The following TGM6 variants were observed in gnomAD, a reference collection of about 807,000 sequenced individuals.
TGM6 encodes the protein transglutaminase 6, also known as protein-glutamine gamma-glutamyltransferase 6.
A neutral mutation model predicts 77.5 loss-of-function variants in TGM6; 74 were observed. The ratio of observed to expected loss-of-function variants is 0.96; its 90% CI spans 0.79 to 1.16. The LOEUF (loss-of-function observed/expected upper bound fraction) is 1.16. Ranked by LOEUF, TGM6 falls within the 50% of genes most tolerant of loss-of-function variation. TGM6 has a pLI of 0.00. For missense variants in TGM6, 968 were observed against 940.2 expected (o/e 1.03, Z -0.39); for synonymous variants, 383 against 378.9 (o/e 1.01, Z -0.12).
chr20:2,427,873 A>C (rs1225189188), intron 10 of TGM6, among the ~76,000 whole-genome samples: 1 of 152,098 alleles, frequency 6.6e-6, no homozygotes, highest in Admixed American at 6.5e-5. Flanking sequence ...CTCCCTCCTC[A>C]GCCTCCCAAG....
rs1568674509 is a variant in TGM6 at position 2,432,553 on chromosome 20, T to C, written c.2031T>C (p.Ser677=). The stretch of plus-strand genomic sequence containing the variant: ...AGTTTGACATCACCCCCTCCAAAAG[T>C]GGCCCAAGGCAGCTGCAGGTGGACC... The part of the protein sequence containing the change: ...SVQFDITPSK[S]GPRQLQVDLV... The change falls in exon 13 of 13, where the codon AGT becomes AGC. Residue 677 remains serine (S), a synonymous_variant. Transcript: ENST00000202625. The C allele has an allele frequency of 6.2e-7, 1 of 1,614,056 alleles. No homozygotes were observed. Among genetic ancestry groups the C allele is most frequent in the Non-Finnish European group, 8.5e-7 (1 of 1,180,002 alleles).
At chr20:2,396,469 GC>G in intron 3 of TGM6, 36 bp from the exon 4 acceptor site, 1 of 1,602,976 alleles carries the variant, frequency 6.2e-7, no homozygotes, top group South Asian at 1.1e-5. Flanking sequence ...CAAGGCCAGA[GC>G]CCCAGTCCAC....
chr20:2,412,615 T>G (rs188016055), intron 9 of TGM6, among the ~76,000 whole-genome samples: 2 of 152,200 alleles, frequency 1.3e-5, no homozygotes, highest in East Asian at 3.9e-4. Flanking sequence ...ATGACATAAT[T>G]TTGTATATAT....
intron 7 of TGM6, among the ~76,000 whole-genome samples, chr20:2,401,312 C>T (rs975700080): frequency 3.9e-5 from 6 of 152,058 alleles, no homozygotes; most frequent in Non-Finnish European, 7.4e-5. Context: ...GTGATGTCTC[C>T]CTCCCGCCCA....
At chr20:2,415,512 G>T (rs987513887) in intron 9 of TGM6, among the ~76,000 whole-genome samples, 2 of 152,118 alleles carry the variant, frequency 1.3e-5, no homozygotes, top group South Asian at 4.1e-4. Flanking sequence ...AAAGCTTGCC[G>T]GGACAGATTA....
intron 1 of TGM6, 42 bp downstream of exon 1, chr20:2,381,017 T>G: frequency 6.2e-7 from 1 of 1,606,054 alleles, no homozygotes; most frequent in Non-Finnish European, 8.5e-7. Flanking sequence ...CCAGGGCTCA[T>G]GAGGGGGGCT....
At position 2,403,455 on chromosome 20, in the gene TGM6, A is replaced by G; in HGVS notation, c.1048A>G (p.Asn350Asp). ...FARQDLGPSY[N>D]GWQVLDATPQ... is the part of the protein sequence containing the mutation. ...CCGGCAGGACCTAGGCCCCTCTTAC[A>G]ATGGCTGGCAGGTTCTGGATGCCAC... Residue 350 changes from asparagine to aspartate, a missense_variant, in exon 8 of 13, where the codon AAT becomes GAT. Asn to Asp is a conservative substitution (Grantham distance 23, BLOSUM62 1). Transcript: ENST00000202625. 1 of 1,614,108 alleles carries G rather than the reference A, an allele frequency of 6.2e-7. No individual in the cohort carries two copies. Among genetic ancestry groups the G allele is most frequent in the East Asian group, 2.2e-5 (1 of 44,872 alleles).
chr20:2,400,440 A>T lies in TGM6; in HGVS notation c.985A>T (p.Met329Leu). 1.2e-6 allele frequency: 2 copies of T among 1,614,142 alleles called. 1 individual carries two copies. Among genetic ancestry groups the T allele is most frequent in the African/African-American group, 2.7e-5 (2 of 75,060 alleles). Residue 329 changes from methionine (M) to leucine (L), a missense_variant, in exon 7 of 13, where the codon ATG (methionine) becomes TTG (leucine). By Grantham distance (15) the Met-to-Leu change is conservative. Coordinates refer to ENST00000202625, the MANE Select transcript of TGM6 (RefSeq NM_198994.3). ...CCTGGAGGACCTGACAGAAGACAGCATGTGGTGGGTCCTGCCCCCAGCCTA... is the reference window on the plus strand; with the variant it reads ...CCTGGAGGACCTGACAGAAGACAGCTTGTGGTGGGTCCTGCCCCCAGCCTA... ...RTLEDLTEDS[M>L]WNFHVWNESW...
Position 2,403,673 on chromosome 20 carries a change from A to T in TGM6, c.1186A>T (p.Asn396Tyr). The T allele has an allele frequency of 6.2e-7, 1 of 1,614,172 alleles. No individual in the cohort carries two copies. ...HDGPFVFAEVNADYITWLWHE... is the reference protein window; with the variant it reads ...HDGPFVFAEVYADYITWLWHE... ...TGGCCCCTTCGTGTTTGCGGAGGTC[A>T]ACGCCGACTACATCACCTGGCTGTG... Residue 396 changes from asparagine to tyrosine, a missense_variant, in exon 9 of 13, where the codon AAC becomes TAC. Asn to Tyr is a moderately radical substitution (Grantham distance 143). Coordinates refer to ENST00000202625, the MANE Select transcript of TGM6 (RefSeq NM_198994.3).
intron 9 of TGM6, among the ~76,000 whole-genome samples, chr20:2,414,198 T>TCAA (rs2084800892): frequency 6.6e-6 from 1 of 152,042 alleles, no homozygotes; most frequent in Non-Finnish European, 1.5e-5. Context: ...ATAGCAAGAC[T>TCAA]CCATCTCTAC....
intron 1 of TGM6, among the ~76,000 whole-genome samples, chr20:2,385,995 C>T (rs1431852706): frequency 2.6e-5 from 4 of 152,138 alleles, no homozygotes; most frequent in Non-Finnish European, 5.9e-5. Context: ...CAGAAGCCTC[C>T]GTCTTAAAAG....
chr20:2,397,921 G>A lies in TGM6; in HGVS notation c.547G>A (p.Glu183Lys), dbSNP rs758999541. The A allele has an allele frequency of 6.2e-7, 1 of 1,614,124 alleles. No individual in the cohort carries two copies. Among genetic ancestry groups the A allele is most frequent in the South Asian group, 1.1e-5 (1 of 91,078 alleles). The change falls in exon 5 of 13, where the codon GAG (glutamate) becomes AAG (lysine). Residue 183 changes from glutamate to lysine, a missense_variant. Transcript: ENST00000202625. ...RAQGWNYGQF[E>K]EDILNICLSI... The stretch of plus-strand genomic sequence containing the variant: ...GCACAGCCTCTCTGGGGAGCAGTTT[G>A]AGGAGGACATCCTGAACATCTGCCT...
intron 1 of TGM6, among the ~76,000 whole-genome samples, chr20:2,385,211 C>T (rs79538587): frequency 0.05 from 7,564 of 152,250 alleles, 275 homozygotes; most frequent in Middle Eastern, 0.088. Context: ...ATCCCACCTC[C>T]TCTTGCCCGT....
chr20:2,390,577 A>G (rs56061340), intron 1 of TGM6, among the ~76,000 whole-genome samples: 18,991 of 152,248 alleles, frequency 0.12, 1,507 homozygotes, highest in South Asian at 0.33. Context: ...CTGAAGATTC[A>G]CTAATGAACA....
intron 1 of TGM6, among the ~76,000 whole-genome samples, chr20:2,389,740 G>T (rs2084618385): frequency 6.6e-6 from 1 of 152,108 alleles, no homozygotes; most frequent in Non-Finnish European, 1.5e-5. Flanking sequence ...TTTACCAGAA[G>T]ACATGATGAA....
chr20:2,429,478 A>C (rs997403662), intron 10 of TGM6, among the ~76,000 whole-genome samples: 3 of 151,966 alleles, frequency 2.0e-5, no homozygotes, highest in African/African-American at 7.2e-5. Flanking sequence ...AAAAAAAAAA[A>C]AACAAATATG....
chr20:2,425,131 A>T (rs909065165), intron 10 of TGM6, among the ~76,000 whole-genome samples: 1 of 152,234 alleles, frequency 6.6e-6, no homozygotes, highest in Admixed American at 6.5e-5. Context: ...GCTTGAACCT[A>T]GGAGTTTGAG....
At chr20:2,411,044 A>G (rs893034742) in intron 9 of TGM6, among the ~76,000 whole-genome samples, 3 of 152,350 alleles carry the variant, frequency 2.0e-5, no homozygotes, top group Admixed American at 6.5e-5. Context: ...CAAATATTAA[A>G]AGAACTAATA....
At chr20:2,409,026 C>A (rs1426465230) in intron 9 of TGM6, among the ~76,000 whole-genome samples, 1 of 152,158 alleles carries the variant, frequency 6.6e-6, no homozygotes, top group East Asian at 1.9e-4. Flanking sequence ...GCAACATATA[C>A]ACATTCTTGG....
Sources: gnomAD v4.1 joint callset for allele counts (sites outside exome capture counted in the v4.1 genomes callset) on GRCh38, gnomAD v4.1.1 for gene constraint, MANE v1.5 for transcripts, NCBI Gene and HGNC (gene_info 2026-07-23, HGNC 2026-07-21) for gene names.